The following CUX1 variants were observed in gnomAD, a reference collection of about 807,000 sequenced individuals.
The protein encoded by CUX1 is cut like homeobox 1, also known as protein CASP.
CUX1 carries 31 observed loss-of-function variants against 158.8 expected under a neutral mutation model. The observed-to-expected ratio is 0.20, with a 90% confidence interval of 0.15 to 0.26. The LOEUF (loss-of-function observed/expected upper bound fraction) is 0.26, where lower values mean the gene tolerates loss of function less well. Among genes scored for constraint, CUX1 ranks in the 10% least tolerant of loss-of-function variants. The pLI is 1.00. For synonymous variants in CUX1, 879 were observed against 862.1 expected, an observed-to-expected ratio of 1.02 and a Z score of -0.34; for missense variants, 1,589 against 2,014.6, an observed-to-expected ratio of 0.79 and a Z score of 4.04.
At chr7:102,236,683 G>A (rs1799601552) in intron 22 of CUX1, among the ~76,000 whole-genome samples, 1 of 152,190 alleles carries the variant, frequency 6.6e-6, no homozygotes, top group Non-Finnish European at 1.5e-5. Context: ...CCTCACCCGA[G>A]CAGCGTGAAG....
At chr7:102,115,100 C>T in intron 7 of CUX1, 107 bp from the exon 8 acceptor site, 3 of 937,088 alleles carry the variant, frequency 3.2e-6, no homozygotes, top group Non-Finnish European at 5.0e-6. Context: ...TTCCACGCAC[C>T]TCGCTCCTCA....
chr7:101,906,585 C>G (rs558878786), intron 1 of CUX1, among the ~76,000 whole-genome samples: 1 of 152,012 alleles, frequency 6.6e-6, no homozygotes, highest in East Asian at 2.0e-4. Context: ...AAGCTCACGG[C>G]GGGCTTTGGC....
At chr7:101,980,852 A>G (rs1378055940) in intron 2 of CUX1, among the ~76,000 whole-genome samples, 2 of 152,084 alleles carry the variant, frequency 1.3e-5, no homozygotes, top group African/African-American at 2.4e-5. Context: ...TTTCTCCCGA[A>G]CACAGCACCT....
intron 2 of CUX1, among the ~76,000 whole-genome samples, chr7:102,007,454 T>G (rs1418915226): frequency 4.0e-5 from 6 of 151,820 alleles, no homozygotes; most frequent in Non-Finnish European, 8.8e-5. Context: ...CCTCCGCCCC[T>G]GGGTGCCAGG....
At chr7:102,019,100 CCTT>C (rs1221592892) in intron 2 of CUX1, among the ~76,000 whole-genome samples, 18 of 152,138 alleles carry the variant, frequency 1.2e-4, no homozygotes, top group Non-Finnish European at 2.2e-4. Context: ...TCGAATCTGC[CCTT>C]CTTCTTAGTC....
rs576575666 is a variant in CUX1, at chr7:102,090,402, T to G, written c.269-6962T>G. ...TTGTTTTTTTGTTTTGTTTTGTTTT[T>G]TTTGAGATGGAGTCTCGCTCTGTCA... is the stretch of plus-strand genomic sequence containing the variant. On this transcript the variant is annotated intron_variant, in intron 4 of 23. Transcript: ENST00000292535. Among the ~76,000 whole-genome samples, 735 of 152,172 alleles carry G rather than the reference T, an allele frequency of 4.8e-3. 3 individuals are homozygous for G. Among genetic ancestry groups the G allele is most frequent in the African/African-American group, 0.013 (547 of 41,540 alleles).
At chr7:102,171,846 T>G (rs186132485) in intron 10 of CUX1, among the ~76,000 whole-genome samples, 1 of 152,330 alleles carries the variant, frequency 6.6e-6, no homozygotes, top group African/African-American at 2.4e-5. Context: ...ACAAGGCCGC[T>G]CTATGGAGCC....
chr7:102,239,730 A>AG, intron 23 of CUX1, 146 bp downstream of exon 23: 1 of 838,736 alleles, frequency 1.2e-6, no homozygotes, highest in Non-Finnish European at 1.8e-6. Context: ...TTGGTCCCTT[A>AG]GGGTTTTTTT....
chr7:102,198,724 T>C (rs1243704695), intron 15 of CUX1, 78 bp from the exon 16 acceptor site: 3 of 1,308,246 alleles, frequency 2.3e-6, no homozygotes, highest in Non-Finnish European at 3.3e-6. Context: ...CGGCTCAGAT[T>C]TCATGTCACA....
At chr7:102,171,179 G>C (rs145279723) in intron 10 of CUX1, among the ~76,000 whole-genome samples, 25 of 152,248 alleles carry the variant, frequency 1.6e-4, no homozygotes, top group Admixed American at 7.8e-4. Flanking sequence ...ATAGGGACAA[G>C]GAACAGCGTA....
chr7:101,843,847 A>G (rs1346686784), intron 1 of CUX1, among the ~76,000 whole-genome samples: 1 of 152,164 alleles, frequency 6.6e-6, no homozygotes, highest in Non-Finnish European at 1.5e-5. Context: ...TCTCCTTGCT[A>G]GAATATGTGA....
At position 102,257,649 on chromosome 7, in the gene CUX1, C is replaced by T. The variant is rs960045998; in HGVS notation, c.*8607C>T. 2.0e-6 allele frequency: 2 copies of T among 985,330 alleles called. No homozygotes were observed. Among genetic ancestry groups the T allele is most frequent in the Admixed American group, 6.2e-5 (1 of 16,252 alleles). 61.0% of individuals were successfully genotyped at this position (985,330 alleles called of 1,614,324 possible). On this transcript the variant is annotated 3_prime_UTR_variant, in exon 24 of 24. Transcript: ENST00000292535. ...GCTCCTGTCCAGACTACTAACAGCA[C>T]AAGACGCACTCACAGGGTGGCGGAA...
At chr7:102,031,665 A>T (rs1195246936) in intron 3 of CUX1, among the ~76,000 whole-genome samples, 4 of 152,180 alleles carry the variant, frequency 2.6e-5, no homozygotes, top group Non-Finnish European at 5.9e-5. Context: ...AAATTTTATT[A>T]TGTATACTTA....
intron 4 of CUX1, among the ~76,000 whole-genome samples, chr7:102,073,565 T>C (rs934303884): frequency 6.6e-6 from 1 of 152,104 alleles, no homozygotes; most frequent in African/African-American, 2.4e-5. Flanking sequence ...AACTGGGCAG[T>C]CACTTTAAAA....
Position 102,239,412 on chromosome 7 carries a change from C to G in CUX1, c.3715C>G (p.Gln1239Glu). 7.4e-6 allele frequency: 12 copies of G among 1,613,800 alleles called. No homozygotes were observed. Among genetic ancestry groups the G allele is most frequent in the Non-Finnish European group, 1.0e-5 (12 of 1,179,948 alleles). ...GTEYSQGASP[Q>E]PQHQLKKPRV... Reference sequence around the variant, plus strand: ...CGAGTACAGCCAGGGCGCCAGCCCCCAGCCCCAGCACCAGCTGAAGAAACC... The same window carrying G: ...CGAGTACAGCCAGGGCGCCAGCCCCGAGCCCCAGCACCAGCTGAAGAAACC... The change falls in exon 23 of 24, where the codon CAG (glutamine) becomes GAG (glutamate). Residue 1239 changes from glutamine (Q) to glutamate (E), a missense_variant. This residue lies in a region of CUX1 where 259 missense variants were observed against 373.8 expected (regional missense o/e 0.69). Coordinates refer to ENST00000292535, the MANE Select transcript of CUX1 (RefSeq NM_181552.4).
rs78420260 is a variant in CUX1 at position 101,964,381 on chromosome 7, A to G, written c.141+48156A>G. 7.1e-3 allele frequency among the ~76,000 whole-genome samples: 1,076 copies of G among 152,254 alleles called. 7 individuals are homozygous for G. Among genetic ancestry groups the G allele is most frequent in the African/African-American group, 0.025 (1,021 of 41,558 alleles). Reference sequence around the variant, plus strand: ...AAAAAGGTGAAAGAAATGACTGAGCAGGAATTTGGGCCCAGGTTTCGTCAC... The same window carrying G: ...AAAAAGGTGAAAGAAATGACTGAGCGGGAATTTGGGCCCAGGTTTCGTCAC... On this transcript the variant is annotated intron_variant, in intron 2 of 23. Coordinates refer to ENST00000292535, the MANE Select transcript of CUX1 (RefSeq NM_181552.4).
chr7:102,178,864 A>G (rs191700167), intron 11 of CUX1, among the ~76,000 whole-genome samples: 2 of 152,124 alleles, frequency 1.3e-5, no homozygotes, highest in African/African-American at 4.8e-5. Flanking sequence ...TGTAAACAGC[A>G]TTTCCCTCTT....
chr7:101,909,773 G>C (rs1479355273), intron 1 of CUX1, among the ~76,000 whole-genome samples: 4 of 152,202 alleles, frequency 2.6e-5, no homozygotes, highest in Non-Finnish European at 5.9e-5. Context: ...CAGAGGTTCT[G>C]GGGGCAGGAG....
chr7:101,967,315 A>G (rs868209356), intron 2 of CUX1, among the ~76,000 whole-genome samples: 1 of 152,202 alleles, frequency 6.6e-6, no homozygotes, highest in Non-Finnish European at 1.5e-5. Context: ...GCGCCCGGCC[A>G]GAAATCTTTT....
Sources: gnomAD v4.1 joint callset for allele counts (sites outside exome capture counted in the v4.1 genomes callset) on GRCh38, gnomAD v4.1.1 for gene constraint, gnomAD v4.1.1 regional missense constraint, MANE v1.5 for transcripts, NCBI Gene and HGNC (gene_info 2026-07-23, HGNC 2026-07-21) for gene names.